Variants in USH2A observed in about 807,000 individuals in gnomAD.
USH2A encodes the protein Usher syndrome 2A (autosomal recessive, mild).
A neutral mutation model predicts 538.9 loss-of-function variants in USH2A; 443 were observed. The observed-to-expected ratio is 0.82, with a 90% CI of 0.76 to 0.89. The LOEUF (loss-of-function observed/expected upper bound fraction) is 0.89. Ranked by LOEUF, USH2A falls within the 40% of genes least tolerant of loss-of-function variation. USH2A has a pLI of 0.00. For synonymous variants in USH2A, 2,413 were observed against 2,273.5 expected (o/e 1.06, Z -1.75); for missense variants, 6,633 against 6,324.8 (o/e 1.05, Z -1.65).
At chr1:216,228,541 C>A (rs907198121) in intron 14 of USH2A, among the ~76,000 whole-genome samples, 3 of 152,050 alleles carry the variant, frequency 2.0e-5, no homozygotes, top group African/African-American at 4.8e-5. Flanking sequence ...ATAAGTCTCA[C>A]GATATCTGAT....
intron 21 of USH2A, among the ~76,000 whole-genome samples, chr1:216,173,740 CA>C (rs1488783778): frequency 6.6e-6 from 1 of 152,122 alleles, no homozygotes; most frequent in Admixed American, 6.6e-5. Context: ...GTGATCCCAT[CA>C]AAAATCTGTC....
At chr1:215,714,558 T>C (rs1240081273) in intron 61 of USH2A, among the ~76,000 whole-genome samples, 1 of 152,232 alleles carries the variant, frequency 6.6e-6, no homozygotes, top group Non-Finnish European at 1.5e-5. Context: ...TTTTTCCCTC[T>C]CTTTTTTCTT....
rs1297764649 is a variant in USH2A, at chr1:216,155,283, G to A, written c.4627+19969C>T. ...TGAAAGGCCACAAGAATAGGATTAC[G>A]GGAGGGGCCTGAATGCTGCTAAAAT... On this transcript the variant is annotated intron_variant, in intron 21 of 71. Coordinates refer to ENST00000307340, the MANE Select transcript of USH2A (RefSeq NM_206933.4). Among the ~76,000 whole-genome samples, 7 of 152,184 alleles carry A rather than the reference G, an allele frequency of 4.6e-5. 1 individual carries two copies. Among genetic ancestry groups the A allele is most frequent in the East Asian group, 1.9e-4 (1 of 5,170 alleles).
At chr1:215,794,352 C>T (rs1046665889) in intron 50 of USH2A, among the ~76,000 whole-genome samples, 2 of 152,156 alleles carry the variant, frequency 1.3e-5, no homozygotes, top group South Asian at 2.1e-4. Context: ...AGATGTTTTA[C>T]GAGCCAGCCC....
At chr1:215,789,926 A>T in intron 51 of USH2A, 133 bp downstream of exon 51, 1 of 796,724 alleles carries the variant, frequency 1.3e-6, no homozygotes, top group African/African-American at 1.7e-5. Context: ...TTCGGTATTA[A>T]TATGGATGTA....
intron 4 of USH2A, among the ~76,000 whole-genome samples, chr1:216,350,051 A>G (rs987911481): frequency 5.3e-5 from 8 of 152,276 alleles, no homozygotes; most frequent in Middle Eastern, 3.4e-3. Flanking sequence ...ATAATGGCAG[A>G]AGGTGAAGGA....
intron 21 of USH2A, among the ~76,000 whole-genome samples, chr1:216,127,881 C>G (rs1362727612): frequency 6.6e-6 from 1 of 152,158 alleles, no homozygotes; most frequent in Non-Finnish European, 1.5e-5. Context: ...TGGAAAATAA[C>G]TGCCAACCAG....
chr1:215,881,370 C>A (rs1664903773), intron 41 of USH2A, among the ~76,000 whole-genome samples: 1 of 152,174 alleles, frequency 6.6e-6, no homozygotes, highest in Admixed American at 6.5e-5. Context: ...GAACTCCTGA[C>A]CTCAGGTGAT....
In USH2A at chr1:216,000,383, G is replaced by C. The variant is rs771692037; in HGVS notation, c.6485+20C>G. On this transcript the variant is annotated intron_variant, in intron 33 of 71. Transcript: ENST00000307340. The stretch of plus-strand genomic sequence containing the variant: ...TTCTTGCATGAACCAGCATGTGAGA[G>C]AGACAACATTTCTACTTACTGTATG... The C allele has an allele frequency of 4.3e-6, 7 of 1,613,190 alleles. No homozygotes were observed. The highest frequency in any genetic ancestry group is 2.2e-5 in the South Asian group (2 of 91,072).
intron 32 of USH2A, among the ~76,000 whole-genome samples, chr1:216,031,009 A>G (rs1277289715): frequency 6.6e-6 from 1 of 151,912 alleles, no homozygotes; most frequent in Non-Finnish European, 1.5e-5. Context: ...TGTATATCCA[A>G]CACAACTGGA....
intron 21 of USH2A, among the ~76,000 whole-genome samples, chr1:216,114,183 G>T (rs986475687): frequency 2.0e-5 from 3 of 151,622 alleles, no homozygotes; most frequent in African/African-American, 4.8e-5. Context: ...ATTTGTTATT[G>T]CTGAATTATG....
Position 216,350,326 on chromosome 1 carries a change from A to G in USH2A, c.784+14627T>C, listed in dbSNP as rs1050984821. On this transcript the variant is annotated intron_variant, in intron 4 of 71. Coordinates refer to ENST00000307340, the MANE Select transcript of USH2A (RefSeq NM_206933.4). Reference sequence around the variant, plus strand: ...TCATGTCATTTTCATGTTGCAAAATACAATTATCCCTTCCCAACAGTCTCC... The same window carrying G: ...TCATGTCATTTTCATGTTGCAAAATGCAATTATCCCTTCCCAACAGTCTCC... Among the ~76,000 whole-genome samples, 9 of 152,048 alleles carry G rather than the reference A, an allele frequency of 5.9e-5. No homozygotes were observed. In the East Asian group the frequency reaches 1.7e-3, roughly 29 times the overall value.
chr1:215,681,897 C>T (rs994967742), intron 61 of USH2A, among the ~76,000 whole-genome samples: 3 of 152,272 alleles, frequency 2.0e-5, no homozygotes, highest in South Asian at 4.1e-4. Flanking sequence ...AATATTTAAA[C>T]ATTTGCTGAG....
At chr1:215,950,497 T>C (rs1429952479) in intron 37 of USH2A, among the ~76,000 whole-genome samples, 2 of 146,082 alleles carry the variant, frequency 1.4e-5, no homozygotes, top group Non-Finnish European at 3.0e-5. Flanking sequence ...ACATTTATAA[T>C]TGCTACCTTT....
Position 215,671,217 on chromosome 1 carries a change from T to A in USH2A, c.13888A>T (p.Ile4630Phe), listed in dbSNP as rs1357048122. The A allele has an allele frequency of 6.2e-7, 1 of 1,614,126 alleles. No individual in the cohort carries two copies. The highest frequency in any genetic ancestry group is 2.2e-5 in the East Asian group (1 of 44,878). Residue 4630 changes from isoleucine to phenylalanine, a missense_variant, in exon 64 of 72, where the codon ATT (isoleucine) becomes TTT (phenylalanine). Transcript: ENST00000307340. ...SDWTFIQTPEIAPLMQPPPHL... is the reference protein window; with the variant it reads ...SDWTFIQTPEFAPLMQPPPHL... ...GGAGGGGGTTGCATCAAAGGTGCAA[T>A]CTCAGGGGTCTGTATGAATGTCCAG...
rs560431278 is a variant in USH2A at position 216,114,680 on chromosome 1, C to T, written c.4628-17467G>A. Among the ~76,000 whole-genome samples, 4 of 152,180 alleles carry T rather than the reference C, an allele frequency of 2.6e-5. No individual in the cohort carries two copies. In the South Asian group the frequency reaches 6.2e-4, roughly 24 times the overall value. ...CAGGGGATATTATCCAGAAAGAAAA[C>T]ATTTTAGGTGATTGGTAAACCCTGA... is the stretch of plus-strand genomic sequence containing the variant. On this transcript the variant is annotated intron_variant, in intron 21 of 71. Transcript: ENST00000307340.
rs561567582 is a variant in USH2A at position 216,241,921 on chromosome 1, T to A, written c.2809+4664A>T. Among the ~76,000 whole-genome samples, 13 of 152,318 alleles carry A rather than the reference T, an allele frequency of 8.5e-5. No homozygotes were observed. In the South Asian group the frequency reaches 2.3e-3, roughly 27 times the overall value. On this transcript the variant is annotated intron_variant, in intron 13 of 71. Transcript: ENST00000307340. ...AGGTTTATTGCAAATTGTCTTCTTT[T>A]CTTTAGAGGAAGATGTAGAATGGGC...
Position 215,640,581 on chromosome 1 carries a change from T to C in USH2A, c.14945A>G (p.Tyr4982Cys), listed in dbSNP as rs778003684. ...RVYSGLDTTL[Y>C]IPRTADKTFF... is the part of the protein sequence containing the mutation. ...ACTTTTGTCCGCCGTTCTCGGTATG[T>C]AGAGGGTGGTGTCCAAGCCGCTGTA... Residue 4982 changes from tyrosine to cysteine, a missense_variant, in exon 68 of 72, where the codon TAC (tyrosine) becomes TGC (cysteine). By Grantham distance (194) the Tyr-to-Cys change is radical (BLOSUM62 -2). Coordinates refer to ENST00000307340, the MANE Select transcript of USH2A (RefSeq NM_206933.4). The C allele has an allele frequency of 3.1e-6, 5 of 1,613,608 alleles. No individual in the cohort carries two copies. The highest frequency in any genetic ancestry group is 2.7e-5 in the African/African-American group (2 of 74,778).
At chr1:215,820,061 G>A (rs889033692) in intron 47 of USH2A, among the ~76,000 whole-genome samples, 11 of 151,712 alleles carry the variant, frequency 7.3e-5, no homozygotes, top group African/African-American at 2.4e-4. Context: ...GAGAAAAAGA[G>A]CTGAAGATAC....
Sources: gnomAD v4.1 joint callset for allele counts (sites outside exome capture counted in the v4.1 genomes callset) on GRCh38, gnomAD v4.1.1 for gene constraint, MANE v1.5 for transcripts, NCBI Gene and HGNC (gene_info 2026-07-23, HGNC 2026-07-21) for gene names.